Variants in UCHL3 observed in about 807,000 individuals in gnomAD.
UCHL3 encodes the protein ubiquitin C-terminal hydrolase L3.
Under a neutral mutation model 35.8 loss-of-function variants are expected in UCHL3, and 22 were observed. The observed-to-expected ratio is 0.61, with a 90% confidence interval of 0.44 to 0.88. The LOEUF is 0.88. UCHL3 is among the 40% of genes least tolerant of loss of function. UCHL3 has a pLI of 0.00. For synonymous variants in UCHL3, 90 were observed against 92.8 expected (o/e 0.97, Z 0.17); for missense variants, 229 against 276.9 (o/e 0.83, Z 1.23).
At chr13:75,589,954 C>CA in intron 6 of UCHL3, 1 of 1,304,336 alleles carries the variant, frequency 7.7e-7, no homozygotes, top group Non-Finnish European at 1.0e-6. Flanking sequence ...TCGCCATCCT[C>CA]ATCACAGCCT....
intron 2 of UCHL3, among the ~76,000 whole-genome samples, chr13:75,554,020 T>A (rs1252800729): frequency 6.6e-6 from 1 of 152,212 alleles, no homozygotes; most frequent in Non-Finnish European, 1.5e-5. Context: ...TGGACAGTTA[T>A]CTAACCTCTT....
intron 6 of UCHL3, among the ~76,000 whole-genome samples, chr13:75,592,422 A>ATG (rs1428365431): frequency 3.8e-5 from 2 of 52,766 alleles, no homozygotes; most frequent in Non-Finnish European, 7.0e-5. Context: ...CTTCATATAT[A>ATG]TATATATATA....
At chr13:75,574,762 T>C (rs2057044205) in intron 6 of UCHL3, among the ~76,000 whole-genome samples, 1 of 152,176 alleles carries the variant, frequency 6.6e-6, no homozygotes, top group Admixed American at 6.5e-5. Flanking sequence ...TGAAGCCATA[T>C]CTGGGGGGCT....
At chr13:75,564,171 GA>G (rs2031607870) in intron 3 of UCHL3, among the ~76,000 whole-genome samples, 1 of 146,352 alleles carries the variant, frequency 6.8e-6, no homozygotes, top group African/African-American at 2.5e-5. Flanking sequence ...TTTTTTTTGA[GA>G]TGGAGTCTCG....
At position 75,556,862 on chromosome 13, in the gene UCHL3, G is replaced by A. The variant is rs148914021; in HGVS notation, c.55-3891G>A. Among the ~76,000 whole-genome samples, 545 of 152,320 alleles carry A rather than the reference G, an allele frequency of 3.6e-3. 7 individuals are homozygous for A. The highest frequency in any genetic ancestry group is 0.012 in the African/African-American group (497 of 41,570). ...ATAGTGTTCAGATCCTTGCATGTGA[G>A]TTCTGGCAGGTGGCCTCGAAAAAGC... is the stretch of plus-strand genomic sequence containing the variant. On this transcript the variant is annotated intron_variant, in intron 2 of 8. Coordinates refer to ENST00000377595, the MANE Select transcript of UCHL3 (RefSeq NM_006002.5).
At chr13:75,590,189 T>TC (rs2032444123) in intron 6 of UCHL3, 2 of 1,228,054 alleles carry the variant, frequency 1.6e-6, no homozygotes, top group South Asian at 3.0e-5. Context: ...TTTTTTTTTT[T>TC]TTTTCTTAAC....
chr13:75,575,186 A>G (rs1477852794), intron 6 of UCHL3, among the ~76,000 whole-genome samples: 3 of 152,208 alleles, frequency 2.0e-5, no homozygotes, highest in African/African-American at 7.2e-5. Context: ...TCTTTTTCAG[A>G]AGATTGGCCA....
At chr13:75,575,374 T>A (rs1285905233) in intron 6 of UCHL3, among the ~76,000 whole-genome samples, 2 of 152,208 alleles carry the variant, frequency 1.3e-5, no homozygotes, top group Non-Finnish European at 2.9e-5. Context: ...AAAAGAAGAA[T>A]GGGATATGAG....
chr13:75,560,724 GT>G (rs8192742), intron 2 of UCHL3, 28 bp from the exon 3 acceptor site: 176 of 1,412,440 alleles, frequency 1.2e-4, no homozygotes, highest in Admixed American at 5.8e-4. Flanking sequence ...ATGTTCCATT[GT>G]TTTTTTTTTC....
intron 6 of UCHL3, among the ~76,000 whole-genome samples, chr13:75,586,934 G>A (rs1427627230): frequency 6.7e-6 from 1 of 149,226 alleles, no homozygotes; most frequent in African/African-American, 2.5e-5. Flanking sequence ...ACAGAGGTTA[G>A]AGGGAAACTA....
chr13:75,571,833 AC>A (rs760137256), intron 6 of UCHL3, among the ~76,000 whole-genome samples: 1 of 152,164 alleles, frequency 6.6e-6, no homozygotes, highest in Non-Finnish European at 1.5e-5. Flanking sequence ...TAGAAACACT[AC>A]TGGAGTGAGC....
intron 5 of UCHL3, 82 bp from the exon 6 acceptor site, chr13:75,569,378 G>T: frequency 2.7e-6 from 3 of 1,113,116 alleles, no homozygotes; most frequent in Non-Finnish European, 3.9e-6. Context: ...GACTTTAGGT[G>T]TTAAAATTTA....
chr13:75,558,341 C>T (rs1036294671), intron 2 of UCHL3, among the ~76,000 whole-genome samples: 9 of 152,150 alleles, frequency 5.9e-5, no homozygotes, highest in Non-Finnish European at 1.0e-4. Flanking sequence ...TTAGCTTTGG[C>T]TGACATAGAG....
intron 2 of UCHL3, among the ~76,000 whole-genome samples, chr13:75,558,687 A>G (rs1330476586): frequency 6.6e-6 from 1 of 152,212 alleles, no homozygotes; most frequent in Non-Finnish European, 1.5e-5. Context: ...ACTGATGTAT[A>G]TAGACATACA....
intron 6 of UCHL3, among the ~76,000 whole-genome samples, chr13:75,585,712 AAAAAT>A (rs2032304327): frequency 1.3e-5 from 2 of 152,264 alleles, no homozygotes; most frequent in Admixed American, 1.3e-4. Flanking sequence ...TAGCACATAT[AAAAAT>A]AAAATAAGAC....
At chr13:75,604,742 A>ATT in intron 7 of UCHL3, 27 bp from the exon 8 acceptor site, 1 of 1,582,254 alleles carries the variant, frequency 6.3e-7, no homozygotes, top group Non-Finnish European at 8.6e-7. Flanking sequence ...ACAGCTAAGC[A>ATT]TTCAATTGTT....
In UCHL3 at chr13:75,567,285, A is replaced by G. The variant is rs1210306301; in HGVS notation, c.399A>G (p.Glu133=). ...LEESVSMSPE[E]RARYLENYDA... Reference sequence around the variant, plus strand: ...AATCTGTGTCAATGAGCCCTGAAGAACGAGCCAGATACCTGGAGAACTATG... The same window carrying G: ...AATCTGTGTCAATGAGCCCTGAAGAGCGAGCCAGATACCTGGAGAACTATG... The change falls in exon 5 of 9, where the codon GAA becomes GAG. Residue 133 remains glutamate, a synonymous_variant. Coordinates refer to ENST00000377595, the MANE Select transcript of UCHL3 (RefSeq NM_006002.5). 1 of 1,614,176 alleles carries G rather than the reference A, an allele frequency of 6.2e-7. No individual in the cohort carries two copies. Among genetic ancestry groups the G allele is most frequent in the South Asian group, 1.1e-5 (1 of 91,076 alleles).
intron 2 of UCHL3, among the ~76,000 whole-genome samples, chr13:75,551,035 T>C (rs1472235139): frequency 6.6e-6 from 1 of 152,118 alleles, no homozygotes; most frequent in African/African-American, 2.4e-5. Flanking sequence ...TTGCTGAGAG[T>C]TTTTCTTATG....
intron 2 of UCHL3, among the ~76,000 whole-genome samples, chr13:75,555,553 T>C (rs2031267289): frequency 6.6e-6 from 1 of 152,152 alleles, no homozygotes; most frequent in African/African-American, 2.4e-5. Context: ...TTTAATGCGG[T>C]CATGAATCCT....
Sources: gnomAD v4.1 joint callset for allele counts (sites outside exome capture counted in the v4.1 genomes callset) on GRCh38, gnomAD v4.1.1 for gene constraint, MANE v1.5 for transcripts, NCBI Gene and HGNC (gene_info 2026-07-23, HGNC 2026-07-21) for gene names.